KLHL32: variants seen among roughly 807,000 people sequenced by gnomAD.
KLHL32 encodes the protein kelch-like protein 32.
KLHL32 carries 35 observed loss-of-function variants against 64.8 expected under a neutral mutation model. That is an observed-to-expected ratio of 0.54 (90% CI 0.41 to 0.72). The LOEUF is 0.72. KLHL32 is among the 30% of genes least tolerant of loss of function. The pLI is 0.00. For synonymous variants in KLHL32, 259 were observed against 281.0 expected (o/e 0.92, Z 0.78); for missense variants, 589 against 768.5 (o/e 0.77, Z 2.76).
chr6:96,908,703 C>T, the KLHL32 span, among the ~76,000 whole-genome samples: 1 of 152,066 alleles, frequency 6.6e-6, no homozygotes, highest in Admixed American at 6.5e-5. Context: ...GGATAATCAG[C>T]TCATTTTTCA....
chr6:97,135,248 T>C (rs1799858685), intron 10 of KLHL32, among the ~76,000 whole-genome samples: 1 of 152,120 alleles, frequency 6.6e-6, no homozygotes, highest in Non-Finnish European at 1.5e-5. Context: ...AATACTGCGT[T>C]TATTCCTTTG....
chr6:97,098,020 G>A (rs1372489651), intron 6 of KLHL32, among the ~76,000 whole-genome samples: 1 of 152,190 alleles, frequency 6.6e-6, no homozygotes, highest in East Asian at 1.9e-4. Flanking sequence ...ACATAGGGGA[G>A]GGGTTGAGGA....
intron 1 of KLHL32, among the ~76,000 whole-genome samples, chr6:96,934,819 G>C (rs1770383331): frequency 6.6e-6 from 1 of 152,216 alleles, no homozygotes; most frequent in Non-Finnish European, 1.5e-5. Flanking sequence ...GCCAACTGGA[G>C]AATGCCATTT....
chr6:97,130,836 T>C lies in KLHL32; in HGVS notation c.1493T>C (p.Val498Ala), dbSNP rs1799361647. Residue 498 changes from valine (V) to alanine (A), a missense_variant, in exon 9 of 11, where the codon GTT (valine) becomes GCT (alanine). Transcript: ENST00000369261. ...SMAAVQRKLY[V>A]LGGNDLDYNN... is the part of the protein sequence containing the mutation. ...GCTGCTGTACAAAGGAAGCTTTATG[T>C]TCTTGGAGGCAATGACCTAGACTAC... 1 of 1,614,032 alleles carries C rather than the reference T, an allele frequency of 6.2e-7. No homozygotes were observed. Among genetic ancestry groups the C allele is most frequent in the South Asian group, 1.1e-5 (1 of 91,084 alleles).
intron 3 of KLHL32, among the ~76,000 whole-genome samples, chr6:96,990,477 C>T (rs1042596848): frequency 6.6e-6 from 1 of 152,180 alleles, no homozygotes; most frequent in Non-Finnish European, 1.5e-5. Context: ...CAGCTGTGCT[C>T]CCTCTTAGTG....
intron 1 of KLHL32, among the ~76,000 whole-genome samples, chr6:96,927,339 T>C (rs553256280): frequency 6.6e-6 from 1 of 152,326 alleles, no homozygotes; most frequent in Non-Finnish European, 1.5e-5. Context: ...AAGTGTTAGA[T>C]AATTAGGTAA....
intron 3 of KLHL32, among the ~76,000 whole-genome samples, chr6:96,987,864 A>G (rs1384378734): frequency 1.1e-4 from 17 of 152,240 alleles, no homozygotes; most frequent in Non-Finnish European, 2.2e-4. Context: ...AGGATTCCCT[A>G]TTTAATAAAT....
At chr6:97,111,168 G>T (rs1005900347) in intron 6 of KLHL32, among the ~76,000 whole-genome samples, 11 of 152,174 alleles carry the variant, frequency 7.2e-5, no homozygotes, top group African/African-American at 2.7e-4. Context: ...CCACATGGTG[G>T]CTAAGCCTCC....
At chr6:97,112,582 G>A (rs1252054914) in intron 6 of KLHL32, among the ~76,000 whole-genome samples, 1 of 151,916 alleles carries the variant, frequency 6.6e-6, no homozygotes, top group East Asian at 1.9e-4. Flanking sequence ...GAGTAGCTGG[G>A]ACTACAGGCA....
At chr6:96,943,036 TACACACAC>T (rs113696398) in intron 1 of KLHL32, among the ~76,000 whole-genome samples, 7,847 of 146,396 alleles carry the variant, frequency 0.054, 262 homozygotes, top group Middle Eastern at 0.087. Context: ...ATGCTCCCTC[TACACACAC>T]ACACACACAC....
At chr6:96,938,453 G>A (rs953214423) in intron 1 of KLHL32, among the ~76,000 whole-genome samples, 4 of 152,042 alleles carry the variant, frequency 2.6e-5, no homozygotes, top group African/African-American at 4.8e-5. Context: ...CATGCTTCTC[G>A]TGTCCTGCAG....
intron 7 of KLHL32, among the ~76,000 whole-genome samples, chr6:97,119,144 G>A (rs1798105991): frequency 6.6e-6 from 1 of 152,100 alleles, no homozygotes; most frequent in Non-Finnish European, 1.5e-5. Context: ...TTCTGTCCCT[G>A]TACCTAGGTG....
At chr6:97,083,687 T>C (rs1792938911) in intron 5 of KLHL32, among the ~76,000 whole-genome samples, 1 of 152,208 alleles carries the variant, frequency 6.6e-6, no homozygotes, top group Non-Finnish European at 1.5e-5. Flanking sequence ...TATGAAGGAT[T>C]TTTGTTTTCC....
intron 4 of KLHL32, among the ~76,000 whole-genome samples, chr6:97,054,406 G>A (rs1787465364): frequency 6.6e-6 from 1 of 152,060 alleles, no homozygotes; most frequent in Non-Finnish European, 1.5e-5. Context: ...TAGTTGTTAG[G>A]GATGCACTGA....
In KLHL32 at chr6:97,070,746, T is replaced by C. The variant is rs536135612; in HGVS notation, c.411+6020T>C. Among the ~76,000 whole-genome samples the C allele has an allele frequency of 9.1e-4, 139 of 152,314 alleles. 3 individuals carry two copies. The highest frequency in any genetic ancestry group is 3.1e-3 in the African/African-American group (130 of 41,584). On this transcript the variant is annotated intron_variant, in intron 5 of 10. Transcript: ENST00000369261. ...ATTTTAAAATCACTTTCAGTATGCA[T>C]TTTTCTTCTTAAAAATGAAGTGTTT...
the KLHL32 span, among the ~76,000 whole-genome samples, chr6:96,917,378 A>C: frequency 6.6e-6 from 1 of 152,142 alleles, no homozygotes; most frequent in Non-Finnish European, 1.5e-5. Flanking sequence ...TAGTCCTCAG[A>C]CCAGAAAAGA....
At chr6:96,905,377 A>G in the KLHL32 span, among the ~76,000 whole-genome samples, 2 of 152,188 alleles carry the variant, frequency 1.3e-5, no homozygotes, top group South Asian at 2.1e-4. Flanking sequence ...CTCCAGAGCT[A>G]GGGTCTGTGT....
At chr6:97,095,315 C>A (rs914744480) in intron 6 of KLHL32, among the ~76,000 whole-genome samples, 3 of 152,126 alleles carry the variant, frequency 2.0e-5, no homozygotes, top group Non-Finnish European at 4.4e-5. Flanking sequence ...CCATATAAAT[C>A]CAATAAAGTG....
At chr6:97,032,125 A>G (rs1246777979) in intron 3 of KLHL32, among the ~76,000 whole-genome samples, 2 of 152,244 alleles carry the variant, frequency 1.3e-5, no homozygotes, top group Non-Finnish European at 2.9e-5. Context: ...CTAGTAGTTT[A>G]TAGAACCAGA....
Sources: allele counts gnomAD v4.1 joint callset (sites outside exome capture counted in the v4.1 genomes callset), GRCh38; gene constraint gnomAD v4.1.1; transcripts MANE v1.5; gene names NCBI Gene and HGNC (gene_info 2026-07-23, HGNC 2026-07-21).